The following RBFOX3 variants were observed in gnomAD, a reference collection of about 807,000 sequenced individuals.
RBFOX3 encodes the protein RNA binding protein fox-1 homolog 3.
Under a neutral mutation model 48.7 loss-of-function variants are expected in RBFOX3, and 17 were observed. The ratio of observed to expected loss-of-function variants is 0.35; its 90% CI spans 0.24 to 0.52. The LOEUF (loss-of-function observed/expected upper bound fraction) is 0.52. Ranked by LOEUF, RBFOX3 falls within the 20% of genes least tolerant of loss-of-function variation. The pLI, the probability that RBFOX3 is intolerant of heterozygous loss-of-function variation, is 0.94. For missense variants in RBFOX3, 382 were observed against 497.5 expected, an observed-to-expected ratio of 0.77 and a Z score of 2.21; for synonymous variants, 212 against 209.5, an observed-to-expected ratio of 1.01 and a Z score of -0.10.
chr17:79,322,681 G>T (rs555925563), intron 2 of RBFOX3, among the ~76,000 whole-genome samples: 1 of 152,310 alleles, frequency 6.6e-6, no homozygotes, highest in Non-Finnish European at 1.5e-5. Context: ...GGCAGGGGTT[G>T]AGGACGGACC....
intron 3 of RBFOX3, among the ~76,000 whole-genome samples, chr17:79,292,623 C>T (rs567530748): frequency 1.1e-4 from 17 of 149,446 alleles, no homozygotes; most frequent in Admixed American, 6.0e-4. Context: ...CACATACATG[C>T]AGACCCAGTG....
intron 1 of RBFOX3, among the ~76,000 whole-genome samples, chr17:79,524,697 G>A (rs934128595): frequency 6.8e-4 from 104 of 152,336 alleles, no homozygotes; most frequent in African/African-American, 2.4e-3. Flanking sequence ...GGCTGGGAGC[G>A]TGGAGCAGAC....
chr17:79,144,760 C>T (rs972471808), intron 4 of RBFOX3, among the ~76,000 whole-genome samples: 2 of 152,182 alleles, frequency 1.3e-5, no homozygotes, highest in Non-Finnish European at 2.9e-5. Context: ...ACTAGGTGCC[C>T]CCCACTCGGG....
At chr17:79,653,388 G>A in the RBFOX3 span, among the ~76,000 whole-genome samples, 102,291 of 152,112 alleles carry the variant, frequency 0.67, 37,878 homozygotes, top group Non-Finnish European at 0.83. Flanking sequence ...ATGTTGGAAG[G>A]TGTACAAAAC....
chr17:79,513,440 G>A (rs1318263950), intron 1 of RBFOX3, among the ~76,000 whole-genome samples: 4 of 152,162 alleles, frequency 2.6e-5, no homozygotes, highest in East Asian at 3.9e-4. Flanking sequence ...TTCACCATTG[G>A]GCATGGCTGT....
In RBFOX3 at chr17:79,261,444, G is replaced by C. The variant is rs146316538; in HGVS notation, c.-73-25639C>G. Among the ~76,000 whole-genome samples, 55 of 152,328 alleles carry C rather than the reference G, an allele frequency of 3.6e-4. 2 individuals carry two copies. The highest frequency in any genetic ancestry group is 3.5e-3 in the East Asian group (18 of 5,172). ...AGAAAGTGGTGTTCTGAGGGGCATG[G>C]AGCTCCTTGGAAGGAGCCGGAGGCA... is the stretch of plus-strand genomic sequence containing the variant. On this transcript the variant is annotated intron_variant, in intron 3 of 14. Transcript: ENST00000693108.
chr17:79,611,156 C>T (rs1483080328), upstream of RBFOX3, among the ~76,000 whole-genome samples: 5 of 33,320 alleles, frequency 1.5e-4, no homozygotes, highest in African/African-American at 4.4e-4. Flanking sequence ...CTCTCTCTCT[C>T]TCTCTCTCTC....
intron 5 of RBFOX3, among the ~76,000 whole-genome samples, chr17:79,114,726 T>C (rs2033329196): frequency 6.6e-6 from 1 of 152,092 alleles, no homozygotes; most frequent in African/African-American, 2.4e-5. Context: ...GCGGGGACAG[T>C]TGGATGAACC....
chr17:79,218,328 T>TG (rs2059315008), intron 4 of RBFOX3, among the ~76,000 whole-genome samples: 1 of 151,910 alleles, frequency 6.6e-6, no homozygotes, highest in Admixed American at 6.5e-5. Flanking sequence ...GATCCTCCTA[T>TG]GGGGGCCTGG....
rs57539628 is a variant in RBFOX3, at chr17:79,247,310, A to ATTTTTTTT, written c.-73-11513_-73-11506dup. Among the ~76,000 whole-genome samples, 49 of 116,556 alleles carry ATTTTTTTT rather than the reference A, an allele frequency of 4.2e-4. 2 individuals carry two copies. Among genetic ancestry groups the ATTTTTTTT allele is most frequent in the South Asian group, 6.2e-4 (2 of 3,220 alleles). 76.5% of individuals were successfully genotyped at this position (116,556 alleles called of 152,430 possible). A position where few individuals can be genotyped will look rare whatever the true frequency, so the allele number is the denominator to read the frequency against. On this transcript the variant is annotated intron_variant, in intron 3 of 14. Coordinates refer to ENST00000693108, the MANE Select transcript of RBFOX3 (RefSeq NM_001350451.2). Reference sequence around the variant, plus strand: ...AGACACACACAGAGAACATAATCGTATTTTTTTTTTTTTTTTTTTTGAGAC... The same window carrying ATTTTTTTT: ...AGACACACACAGAGAACATAATCGTATTTTTTTTTTTTTTTTTTTTTTTTTTTTGAGAC...
the RBFOX3 span, among the ~76,000 whole-genome samples, chr17:79,628,455 G>T: frequency 2.0e-5 from 3 of 152,174 alleles, no homozygotes; most frequent in African/African-American, 4.8e-5. Flanking sequence ...TCACAAGGCC[G>T]CAGAGTCCTT....
rs71307200 is a variant in RBFOX3 at position 79,542,511 on chromosome 17, A to AGGCTGGACAC, written c.-319-59914_-319-59913insGTGTCCAGCC. 5.9e-5 allele frequency among the ~76,000 whole-genome samples: 9 copies of AGGCTGGACAC among 152,082 alleles called. No individual in the cohort carries two copies. In the South Asian group the frequency reaches 1.5e-3, roughly 25 times the overall value. ...TCCCACGGGCAATTTTCAGTTTTCT[A>AGGCTGGACAC]GGTGGCTGACGCCTGTAATCCCAGC... On this transcript the variant is annotated intron_variant, in intron 1 of 14. Transcript: ENST00000693108.
chr17:79,592,756 T>C (rs2093459842), intron 1 of RBFOX3, among the ~76,000 whole-genome samples: 1 of 152,174 alleles, frequency 6.6e-6, no homozygotes, highest in South Asian at 2.1e-4. Flanking sequence ...CTGTCGTCTG[T>C]TTCAGACTGG....
chr17:79,115,872 C>G lies in RBFOX3; in HGVS notation c.-33-124G>C, dbSNP rs930436522. 1.9e-5 allele frequency: 10 copies of G among 535,644 alleles called. No individual in the cohort carries two copies. In the Admixed American group the frequency reaches 3.5e-4, roughly 19 times the overall value. 33.2% of individuals were successfully genotyped at this position (535,644 alleles called of 1,614,324 possible). Reference sequence around the variant, plus strand: ...TATTTTCAGCAGCCTTTCCCCGGCCCCTCCAAGGGGGGCTCGCCGGCATGG... The same window carrying G: ...TATTTTCAGCAGCCTTTCCCCGGCCGCTCCAAGGGGGGCTCGCCGGCATGG... On this transcript the variant is annotated intron_variant, in intron 4 of 14. Coordinates refer to ENST00000693108, the MANE Select transcript of RBFOX3 (RefSeq NM_001350451.2).
intron 4 of RBFOX3, among the ~76,000 whole-genome samples, chr17:79,172,173 CAAAAAA>C (rs977301314): frequency 3.8e-5 from 2 of 52,486 alleles, no homozygotes; most frequent in African/African-American, 7.5e-5. Context: ...GAGTCCGTCT[CAAAAAA>C]AAAAAAAAAA....
intron 4 of RBFOX3, among the ~76,000 whole-genome samples, chr17:79,228,602 G>A (rs1031882206): frequency 3.9e-5 from 6 of 152,152 alleles, no homozygotes; most frequent in African/African-American, 1.4e-4. Flanking sequence ...CCCTCTTCAG[G>A]TTCCGTGATG....
chr17:79,322,464 T>C (rs2078675268), intron 2 of RBFOX3, among the ~76,000 whole-genome samples: 1 of 152,234 alleles, frequency 6.6e-6, no homozygotes, highest in Non-Finnish European at 1.5e-5. Flanking sequence ...TTTAGCTCTC[T>C]TCCTCTCCCT....
At chr17:79,382,353 C>T (rs780188853) in intron 2 of RBFOX3, among the ~76,000 whole-genome samples, 2 of 152,256 alleles carry the variant, frequency 1.3e-5, no homozygotes, top group Non-Finnish European at 2.9e-5. Flanking sequence ...AGGTTGGGGG[C>T]TAAGCCTTCC....
At position 79,421,978 on chromosome 17, in the gene RBFOX3, G is replaced by A. The variant is rs576842667; in HGVS notation, c.-175+60476C>T. Among the ~76,000 whole-genome samples the A allele has an allele frequency of 5.3e-5, 8 of 152,254 alleles. No homozygotes were observed. In the East Asian group the frequency reaches 7.8e-4, roughly 15 times the overall value. Reference sequence around the variant, plus strand: ...ACAGAATTCTAGGTGCTGCCCGGACGAGATGAGGAGGGGGACTTGCCGGCT... The same window carrying A: ...ACAGAATTCTAGGTGCTGCCCGGACAAGATGAGGAGGGGGACTTGCCGGCT... On this transcript the variant is annotated intron_variant, in intron 2 of 14. Coordinates refer to ENST00000693108, the MANE Select transcript of RBFOX3 (RefSeq NM_001350451.2). The surrounding 1 kb of genome is among the most constrained non-coding windows in gnomAD (Gnocchi z 4.5).
Sources: gnomAD v4.1 joint callset for allele counts (sites outside exome capture counted in the v4.1 genomes callset) on GRCh38, gnomAD v4.1.1 for gene constraint, Gnocchi (gnomAD v3.1) non-coding constraint, MANE v1.5 for transcripts, NCBI Gene and HGNC (gene_info 2026-07-23, HGNC 2026-07-21) for gene names.